ARL15: variants seen among roughly 807,000 people sequenced by gnomAD.
ARL15 encodes the protein ADP-ribosylation factor-like protein 15.
ARL15 carries 19 observed loss-of-function variants against 25.2 expected under a neutral mutation model. That is an observed-to-expected ratio of 0.75 (90% CI 0.53 to 1.10). ARL15 has a LOEUF of 1.10. Ranked by LOEUF, ARL15 falls within the 50% of genes least tolerant of loss-of-function variation. The pLI, the probability that ARL15 is intolerant of heterozygous loss-of-function variation, is 0.00. For missense variants in ARL15, 220 were observed against 246.0 expected (o/e 0.89, Z 0.71); for synonymous variants, 94 against 86.8 (o/e 1.08, Z -0.46).
At chr5:54,095,056 C>A (rs1752243962) in intron 4 of ARL15, among the ~76,000 whole-genome samples, 1 of 152,184 alleles carries the variant, frequency 6.6e-6, no homozygotes, top group Non-Finnish European at 1.5e-5. Context: ...TCTAATGCCT[C>A]TGTCCTTCAG....
At chr5:53,972,782 T>G (rs555382664) in intron 4 of ARL15, among the ~76,000 whole-genome samples, 1 of 152,176 alleles carries the variant, frequency 6.6e-6, no homozygotes, top group South Asian at 2.1e-4. Flanking sequence ...TGAGAATTAG[T>G]CTCACCCTCC....
chr5:54,234,935 G>A (rs1756763782), intron 1 of ARL15, among the ~76,000 whole-genome samples: 1 of 152,212 alleles, frequency 6.6e-6, no homozygotes, highest in Admixed American at 6.5e-5. Flanking sequence ...TAGTTTGAAT[G>A]TAGTTCATAA....
chr5:54,014,922 G>T (rs533980051), intron 4 of ARL15, among the ~76,000 whole-genome samples: 1 of 152,100 alleles, frequency 6.6e-6, no homozygotes, highest in Admixed American at 6.5e-5. Context: ...CTGCCTTTTT[G>T]AATTGATTTA....
intron 3 of ARL15, among the ~76,000 whole-genome samples, chr5:54,118,139 C>T (rs918073464): frequency 1.3e-5 from 2 of 152,106 alleles, no homozygotes; most frequent in Non-Finnish European, 2.9e-5. Context: ...ATAAGTTTTC[C>T]AGATTCCACA....
At chr5:54,148,533 A>G (rs180883152) in intron 3 of ARL15, among the ~76,000 whole-genome samples, 1 of 152,314 alleles carries the variant, frequency 6.6e-6, no homozygotes. Context: ...GGAAGAAAAA[A>G]ATTAAAATGA....
chr5:54,204,611 A>C (rs947568956), intron 1 of ARL15, among the ~76,000 whole-genome samples: 2 of 152,180 alleles, frequency 1.3e-5, no homozygotes, highest in African/African-American at 4.8e-5. Flanking sequence ...AACTAAACAT[A>C]ATGTACACAC....
At chr5:54,130,188 T>C (rs931593738) in intron 3 of ARL15, among the ~76,000 whole-genome samples, 1 of 152,188 alleles carries the variant, frequency 6.6e-6, no homozygotes, top group African/African-American at 2.4e-5. Flanking sequence ...CAGCGAGCCA[T>C]GACTGCACCA....
At chr5:54,062,851 C>A (rs1751110388) in intron 4 of ARL15, among the ~76,000 whole-genome samples, 1 of 151,994 alleles carries the variant, frequency 6.6e-6, no homozygotes, top group South Asian at 2.1e-4. Flanking sequence ...AGGAAGCCCA[C>A]AAAAAGAAAC....
intron 3 of ARL15, among the ~76,000 whole-genome samples, chr5:54,152,803 G>T (rs1451979776): frequency 6.6e-6 from 1 of 152,192 alleles, no homozygotes; most frequent in Non-Finnish European, 1.5e-5. Context: ...TCAGGGAACA[G>T]CTCTTTCGGC....
intron 1 of ARL15, among the ~76,000 whole-genome samples, chr5:54,224,647 T>C (rs1260570119): frequency 2.6e-5 from 4 of 152,144 alleles, no homozygotes; most frequent in Non-Finnish European, 5.9e-5. Flanking sequence ...ACATCATCAG[T>C]GTAAAAATGA....
intron 4 of ARL15, among the ~76,000 whole-genome samples, chr5:54,097,810 T>C (rs1468181532): frequency 1.3e-5 from 2 of 152,196 alleles, no homozygotes; most frequent in East Asian, 3.9e-4. Context: ...CCAATTAACG[T>C]TCTGATTGTA....
intron 4 of ARL15, among the ~76,000 whole-genome samples, chr5:53,959,687 A>T (rs2112144905): frequency 6.6e-6 from 1 of 151,856 alleles, no homozygotes; most frequent in Middle Eastern, 3.4e-3. Context: ...TTCTGCACTG[A>T]TTTGCACCTC....
intron 4 of ARL15, among the ~76,000 whole-genome samples, chr5:54,092,338 C>T (rs896163075): frequency 1.3e-5 from 2 of 151,780 alleles, no homozygotes; most frequent in African/African-American, 2.4e-5. Flanking sequence ...GAATTAGATG[C>T]TCCATCAATC....
At chr5:53,916,812 T>A (rs1745667097) in intron 4 of ARL15, among the ~76,000 whole-genome samples, 1 of 152,216 alleles carries the variant, frequency 6.6e-6, no homozygotes, top group African/African-American at 2.4e-5. Context: ...AATTAAGACC[T>A]GACAGGTCAT....
At chr5:54,224,667 C>G (rs1756470356) in intron 1 of ARL15, among the ~76,000 whole-genome samples, 1 of 152,076 alleles carries the variant, frequency 6.6e-6, no homozygotes, top group Non-Finnish European at 1.5e-5. Context: ...ATAGTTGTCA[C>G]CACCCCTTGA....
chr5:54,285,387 A>G, intron 1 of ARL15: 2 of 878,416 alleles, frequency 2.3e-6, no homozygotes, highest in Non-Finnish European at 2.7e-6. Context: ...AAGCATGAAA[A>G]TAAAGGAGAA....
At chr5:53,902,974 C>T (rs1324567554) in intron 4 of ARL15, among the ~76,000 whole-genome samples, 4 of 152,120 alleles carry the variant, frequency 2.6e-5, no homozygotes, top group African/African-American at 7.2e-5. Context: ...ATGTCAGTCA[C>T]GGGAAGGGAA....
chr5:54,162,666 T>C (rs536121024), intron 2 of ARL15, among the ~76,000 whole-genome samples: 1 of 152,282 alleles, frequency 6.6e-6, no homozygotes, highest in South Asian at 2.1e-4. Flanking sequence ...CACCACACCC[T>C]ATCTGCTTCT....
At chr5:54,069,755 C>A (rs1447996221) in intron 4 of ARL15, among the ~76,000 whole-genome samples, 1 of 151,638 alleles carries the variant, frequency 6.6e-6, no homozygotes, top group East Asian at 2.0e-4. Context: ...TCAAGCAATT[C>A]TCCTGCCTCC....
Sources: gnomAD v4.1 joint callset for allele counts (sites outside exome capture counted in the v4.1 genomes callset) on GRCh38, gnomAD v4.1.1 for gene constraint, MANE v1.5 for transcripts, NCBI Gene and HGNC (gene_info 2026-07-23, HGNC 2026-07-21) for gene names.